Variants in IL1R1 observed in about 807,000 individuals in gnomAD.
IL1R1 encodes the protein interleukin-1 receptor type 1.
IL1R1 carries 22 observed loss-of-function variants against 50.2 expected under a neutral mutation model. That is an observed-to-expected ratio of 0.44 (90% confidence interval 0.31 to 0.63). The LOEUF (loss-of-function observed/expected upper bound fraction) is 0.63, where lower values mean the gene tolerates loss of function less well. IL1R1 is among the 20% of genes least tolerant of loss of function. The probability of loss-of-function intolerance (pLI) is 0.07; values close to 1 mark genes in which losing one functional copy is unlikely to be tolerated. For missense variants in IL1R1, 509 were observed against 676.2 expected, an observed-to-expected ratio of 0.75 and a Z score of 2.74; for synonymous variants, 251 against 236.7, an observed-to-expected ratio of 1.06 and a Z score of -0.55.
At chr2:102,121,348 TC>T (rs1184202042) in intron 1 of IL1R1, among the ~76,000 whole-genome samples, 1 of 152,232 alleles carries the variant, frequency 6.6e-6, no homozygotes, top group African/African-American at 2.4e-5. Context: ...GTCAGCTTCC[TC>T]CGCTTTGCCA....
intron 1 of IL1R1, among the ~76,000 whole-genome samples, chr2:102,136,496 C>A (rs2104427527): frequency 2.0e-5 from 3 of 151,924 alleles, no homozygotes; most frequent in Admixed American, 2.0e-4. Context: ...CTTGCCCCAG[C>A]CTCCCAAGTA....
intron 1 of IL1R1, among the ~76,000 whole-genome samples, chr2:102,126,666 C>G (rs1681727257): frequency 6.6e-6 from 1 of 151,614 alleles, no homozygotes; most frequent in Non-Finnish European, 1.5e-5. Flanking sequence ...GTCTAGTAGC[C>G]CCAACTTCTG....
At chr2:102,159,001 G>C (rs1684459107) in intron 3 of IL1R1, among the ~76,000 whole-genome samples, 1 of 152,236 alleles carries the variant, frequency 6.6e-6, no homozygotes, top group South Asian at 2.1e-4. Context: ...GGTCAGATGT[G>C]AGATGTGAGG....
intron 1 of IL1R1, among the ~76,000 whole-genome samples, chr2:102,106,493 G>T (rs61099648): frequency 0.031 from 4,661 of 152,252 alleles, 254 homozygotes; most frequent in African/African-American, 0.1. Context: ...AGTTTACTTA[G>T]GAGGAAAACT....
At chr2:102,100,664 C>T (rs901643390), upstream of IL1R1, among the ~76,000 whole-genome samples, 2 of 152,144 alleles carry the variant, frequency 1.3e-5, no homozygotes, top group Non-Finnish European at 1.5e-5. Flanking sequence ...TCTTGGTGAT[C>T]GTGGCTTCCT....
chr2:102,146,827 C>A (rs919417424), intron 1 of IL1R1, among the ~76,000 whole-genome samples: 1 of 152,074 alleles, frequency 6.6e-6, no homozygotes, highest in African/African-American at 2.4e-5. Flanking sequence ...TGTGTTGTTC[C>A]GGATGTCAAG....
At chr2:102,159,949 A>T (rs1684563974) in intron 3 of IL1R1, among the ~76,000 whole-genome samples, 1 of 152,164 alleles carries the variant, frequency 6.6e-6, no homozygotes, top group African/African-American at 2.4e-5. Context: ...CTTATTTTCT[A>T]GTAAATGCTC....
intron 1 of IL1R1, among the ~76,000 whole-genome samples, chr2:102,115,081 GC>G (rs1488667562): frequency 6.6e-6 from 1 of 152,212 alleles, no homozygotes; most frequent in Non-Finnish European, 1.5e-5. Flanking sequence ...TCACCTGGGA[GC>G]CTTTTAAACA....
At chr2:102,093,952 C>T (rs572642310) in intron 1 of IL1R1, among the ~76,000 whole-genome samples, 1 of 152,184 alleles carries the variant, frequency 6.6e-6, no homozygotes, top group Non-Finnish European at 1.5e-5. Flanking sequence ...CCAGAACCTG[C>T]CTCCGTCCTG....
chr2:102,095,673 T>C (rs1222319692), intron 1 of IL1R1, among the ~76,000 whole-genome samples: 1 of 152,272 alleles, frequency 6.6e-6, no homozygotes, highest in Non-Finnish European at 1.5e-5. Context: ...TGTTAGCATT[T>C]ATGTTTGCAT....
chr2:102,175,550 G>A lies in IL1R1; in HGVS notation c.1208G>A (p.Cys403Tyr), dbSNP rs1176553786. Reference protein sequence around the residue: ...KTVGEGSTSDCDIFVFKVLPE... With the variant: ...KTVGEGSTSDYDIFVFKVLPE... ...GTTGGGGAAGGGTCTACCTCTGACT[G>A]TGATATTTTTGTGTTTAAAGTCTTG... Residue 403 changes from cysteine to tyrosine, a missense_variant, in exon 11 of 12, where the codon TGT (cysteine) becomes TAT (tyrosine). Coordinates refer to ENST00000410023, the MANE Select transcript of IL1R1 (RefSeq NM_000877.4). 3.1e-6 allele frequency: 5 copies of A among 1,613,392 alleles called. No individual in the cohort carries two copies. Among genetic ancestry groups the A allele is most frequent in the African/African-American group, 2.7e-5 (2 of 74,900 alleles).
At chr2:102,127,168 C>A (rs1429243667) in intron 1 of IL1R1, among the ~76,000 whole-genome samples, 1 of 152,174 alleles carries the variant, frequency 6.6e-6, no homozygotes, top group Admixed American at 6.5e-5. Flanking sequence ...GGTCTCAATC[C>A]TTTGAAGTTC....
At position 102,163,499 on chromosome 2, in the gene IL1R1, G is replaced by A. The variant is rs978589847; in HGVS notation, c.62-1275G>A. On this transcript the variant is annotated intron_variant, in intron 3 of 11. Transcript: ENST00000410023. ...TTTTTCCTGCAGTATCAAATCTGCCGTGAATCCCATCCATTGTTTTTTGTA... is the reference window on the plus strand; with the variant it reads ...TTTTTCCTGCAGTATCAAATCTGCCATGAATCCCATCCATTGTTTTTTGTA... 3.3e-5 allele frequency among the ~76,000 whole-genome samples: 5 copies of A among 151,874 alleles called. No individual in the cohort carries two copies. In the South Asian group the frequency reaches 6.2e-4, roughly 19 times the overall value.
chr2:102,136,575 C>T (rs1444920614), intron 1 of IL1R1, among the ~76,000 whole-genome samples: 1 of 151,844 alleles, frequency 6.6e-6, no homozygotes, highest in Non-Finnish European at 1.5e-5. Flanking sequence ...ACGGGGTTTC[C>T]CCATGTTGGC....
At chr2:102,145,139 A>G (rs1683007361) in intron 1 of IL1R1, among the ~76,000 whole-genome samples, 1 of 152,238 alleles carries the variant, frequency 6.6e-6, no homozygotes, top group Admixed American at 6.5e-5. Flanking sequence ...TAATGGATAT[A>G]CTAGGTTCTT....
At chr2:102,166,045 C>A in intron 5 of IL1R1, 68 bp from the exon 6 acceptor site, 2 of 1,360,794 alleles carry the variant, frequency 1.5e-6, no homozygotes, top group Non-Finnish European at 2.0e-6. Context: ...AAATGGAGCT[C>A]CTTTGGCGGT....
intron 1 of IL1R1, among the ~76,000 whole-genome samples, chr2:102,150,343 G>A (rs934771271): frequency 6.6e-6 from 1 of 152,090 alleles, no homozygotes; most frequent in African/African-American, 2.4e-5. Context: ...GTTGGATGAG[G>A]TCAGTATTTC....
chr2:102,090,945 G>A (rs1329479321), intron 1 of IL1R1, among the ~76,000 whole-genome samples: 8 of 152,090 alleles, frequency 5.3e-5, no homozygotes, highest in Admixed American at 2.0e-4. Context: ...CTTCTTTTCT[G>A]TTCAGTAGAT....
rs1003356020 is a variant in IL1R1 at position 102,107,220 on chromosome 2, T to G, written c.-84+2348T>G. On this transcript the variant is annotated intron_variant, in intron 1 of 10. Transcript: ENST00000409329. ...ATGTTTATTGTGGCACTATTCACAA[T>G]AGCAAAGACTTGGAACCAACCCAAA... is the stretch of plus-strand genomic sequence containing the variant. Among the ~76,000 whole-genome samples, 11 of 152,086 alleles carry G rather than the reference T, an allele frequency of 7.2e-5. No individual in the cohort carries two copies. The South Asian group carries it at 1.5e-3, about 20-fold the overall frequency.
Sources: gnomAD v4.1 joint callset for allele counts (sites outside exome capture counted in the v4.1 genomes callset) on GRCh38, gnomAD v4.1.1 for gene constraint, MANE v1.5 for transcripts, NCBI Gene and HGNC (gene_info 2026-07-23, HGNC 2026-07-21) for gene names.